The following C2CD3 variants were observed in gnomAD, a reference collection of about 807,000 sequenced individuals.
C2CD3 encodes C2 domain containing 3 centriole elongation regulator, also known as C2 domain-containing protein 3.
Under a neutral mutation model 234.0 loss-of-function variants are expected in C2CD3, and 148 were observed. That is an observed-to-expected ratio of 0.63 (90% CI 0.55 to 0.72). The LOEUF (loss-of-function observed/expected upper bound fraction) is 0.72, where lower values mean the gene tolerates loss of function less well. C2CD3 is among the 30% of genes least tolerant of loss of function. C2CD3 has a pLI of 0.00. For synonymous variants in C2CD3, 1,000 were observed against 1,035.4 expected (o/e 0.97, Z 0.66); for missense variants, 2,577 against 2,811.5 (o/e 0.92, Z 1.89).
intron 3 of C2CD3, among the ~76,000 whole-genome samples, chr11:74,160,406 T>C (rs143057577): frequency 4.5e-4 from 68 of 152,052 alleles, no homozygotes; most frequent in African/African-American, 1.6e-3. Context: ...CTATTTACAA[T>C]AAAAAAGAAT....
At chr11:74,027,814 T>G (rs1952364797) in intron 32 of C2CD3, among the ~76,000 whole-genome samples, 1 of 152,232 alleles carries the variant, frequency 6.6e-6, no homozygotes, top group African/African-American at 2.4e-5. Flanking sequence ...AGAGGAGATG[T>G]GGGATTTGTA....
intron 11 of C2CD3, chr11:74,110,499 G>C (rs1956704406): frequency 6.6e-6 from 1 of 152,244 alleles, no homozygotes. Flanking sequence ...ACATCCACTA[G>C]ATCAGTTTAT....
At chr11:74,087,441 T>C (rs1370927757) in intron 20 of C2CD3, among the ~76,000 whole-genome samples, 1 of 151,986 alleles carries the variant, frequency 6.6e-6, no homozygotes, top group East Asian at 1.9e-4. Context: ...GGCGGGCACC[T>C]GTAATCCCAG....
intron 5 of C2CD3, among the ~76,000 whole-genome samples, chr11:74,134,035 A>G (rs1274990576): frequency 6.6e-6 from 1 of 152,154 alleles, no homozygotes; most frequent in African/African-American, 2.4e-5. Flanking sequence ...AATTTACCCC[A>G]TCCCTTAAGG....
chr11:74,166,339 T>C (rs1856810452), intron 2 of C2CD3, among the ~76,000 whole-genome samples: 1 of 149,482 alleles, frequency 6.7e-6, no homozygotes, highest in South Asian at 2.1e-4. Flanking sequence ...AAAAAAACCA[T>C]GTCATGTCTA....
intron 24 of C2CD3, among the ~76,000 whole-genome samples, chr11:74,060,040 C>T (rs1954155838): frequency 2.0e-5 from 3 of 152,184 alleles, no homozygotes; most frequent in Admixed American, 1.3e-4. Context: ...AGTCTGAGAT[C>T]GAACTGCAAG....
chr11:74,164,196 C>T (rs1435362050), intron 2 of C2CD3: 5 of 965,198 alleles, frequency 5.2e-6, no homozygotes, highest in Middle Eastern at 5.3e-4. Context: ...TACTGTCCAG[C>T]ACTATTCCTA....
intron 20 of C2CD3, 116 bp from the exon 21 acceptor site, chr11:74,086,002 T>G (rs1336671059): frequency 9.8e-7 from 1 of 1,025,468 alleles, no homozygotes; most frequent in Non-Finnish European, 1.4e-6. Flanking sequence ...AAACCAACTA[T>G]ATGCTTTCTA....
chr11:74,046,994 A>T (rs1446089424), intron 28 of C2CD3, among the ~76,000 whole-genome samples: 1 of 152,262 alleles, frequency 6.6e-6, no homozygotes, highest in African/African-American at 2.4e-5. Flanking sequence ...TCTTTGTAAC[A>T]GCCCTTGAGG....
intron 12 of C2CD3, 38 bp downstream of exon 12, chr11:74,108,996 T>G: frequency 1.0e-6 from 1 of 1,000,974 alleles, no homozygotes; most frequent in South Asian, 1.3e-5. Flanking sequence ...AAATCCCTAG[T>G]GTGAAGGTAA....
At chr11:74,037,732 G>A (rs1952811006) in intron 29 of C2CD3, 34 bp from the exon 30 acceptor site, 1 of 1,500,384 alleles carries the variant, frequency 6.7e-7, no homozygotes, top group Non-Finnish European at 9.2e-7. Context: ...AGACAAAGGG[G>A]TAATTCATGG....
At chr11:74,037,846 C>T (rs1157368139) in intron 29 of C2CD3, 148 bp from the exon 30 acceptor site, 2 of 652,108 alleles carry the variant, frequency 3.1e-6, no homozygotes, top group African/African-American at 3.6e-5. Flanking sequence ...TCTCTCCAAT[C>T]CACCAACTCA....
chr11:74,151,266 T>G (rs892366967), intron 3 of C2CD3, among the ~76,000 whole-genome samples: 9 of 152,020 alleles, frequency 5.9e-5, no homozygotes, highest in Non-Finnish European at 1.2e-4. Context: ...TATTTAGTAC[T>G]GAGAAGTCTT....
chr11:74,061,363 G>A (rs186728687), intron 24 of C2CD3, among the ~76,000 whole-genome samples: 1 of 152,298 alleles, frequency 6.6e-6, no homozygotes, highest in East Asian at 1.9e-4. Context: ...AAAATGTTAA[G>A]GGCAGCCAGA....
chr11:74,082,186 G>A (rs986526073), intron 22 of C2CD3, among the ~76,000 whole-genome samples: 2 of 150,568 alleles, frequency 1.3e-5, no homozygotes, highest in African/African-American at 4.9e-5. Context: ...GCAGTGGTGC[G>A]ATCTCTAAAT....
chr11:74,140,979 T>A (rs2135546231), intron 3 of C2CD3, among the ~76,000 whole-genome samples: 1 of 152,228 alleles, frequency 6.6e-6, no homozygotes, highest in Admixed American at 6.5e-5. Context: ...AAAATGGAGT[T>A]TTGAAGCAAA....
chr11:74,024,920 C>T lies in C2CD3; in HGVS notation c.6921+3367G>A, dbSNP rs532476960. On this transcript the variant is annotated intron_variant, in intron 32 of 32. Coordinates refer to ENST00000334126, the MANE Select transcript of C2CD3 (RefSeq NM_001286577.2). ...AAAACTGCATCAGTTCTGGGCTAAC[C>T]ATGATGACTGGTCATCCGAACCAGG... Among the ~76,000 whole-genome samples the T allele has an allele frequency of 4.6e-5, 7 of 152,246 alleles. No homozygotes were observed. In the East Asian group the frequency reaches 1.2e-3, roughly 25 times the overall value.
chr11:74,044,380 G>A (rs1010072434), intron 28 of C2CD3, among the ~76,000 whole-genome samples: 3 of 151,714 alleles, frequency 2.0e-5, no homozygotes, highest in Admixed American at 6.6e-5. Flanking sequence ...GCTTGAACCC[G>A]GGAGGTGGAG....
At chr11:74,077,187 T>C (rs1300831136) in intron 23 of C2CD3, among the ~76,000 whole-genome samples, 1 of 152,052 alleles carries the variant, frequency 6.6e-6, no homozygotes, top group African/African-American at 2.4e-5. Context: ...GTAGGTATGC[T>C]TTTCCATATA....
Sources: gnomAD v4.1 joint callset for allele counts (sites outside exome capture counted in the v4.1 genomes callset) on GRCh38, gnomAD v4.1.1 for gene constraint, MANE v1.5 for transcripts, NCBI Gene and HGNC (gene_info 2026-07-23, HGNC 2026-07-21) for gene names.